PUM1: variants seen among roughly 807,000 people sequenced by gnomAD.
The protein encoded by PUM1 is pumilio homolog 1.
Under a neutral mutation model 131.8 loss-of-function variants are expected in PUM1, and 13 were observed. The ratio of observed to expected loss-of-function variants is 0.10; its 90% CI spans 0.06 to 0.16. The LOEUF is 0.16. Among genes scored for constraint, PUM1 ranks in the 10% least tolerant of loss-of-function variants. The pLI is 1.00. For synonymous variants in PUM1, 509 were observed against 556.5 expected (o/e 0.91, Z 1.20); for missense variants, 961 against 1,512.4 (o/e 0.64, Z 6.05).
chr1:30,992,094 C>A (rs1431810389), intron 7 of PUM1, among the ~76,000 whole-genome samples: 1 of 152,118 alleles, frequency 6.6e-6, no homozygotes, highest in South Asian at 2.1e-4. Flanking sequence ...ATTTAGCACC[C>A]GAGAGGGTTG....
At chr1:31,018,167 T>C (rs1348808842) in intron 3 of PUM1, among the ~76,000 whole-genome samples, 1 of 150,776 alleles carries the variant, frequency 6.6e-6, no homozygotes, top group Non-Finnish European at 1.5e-5. Context: ...CTGGCCAACA[T>C]GGTAAACTCT....
Position 30,967,431 on chromosome 1 carries a change from C to A in PUM1, c.1646-121G>T, listed in dbSNP as rs188380309. The A allele has an allele frequency of 7.8e-5, 67 of 863,022 alleles. 1 individual carries two copies. In the East Asian group the frequency reaches 8.4e-4, roughly 11 times the overall value. The allele number at this position is 863,022 out of a possible 1,614,324, so 53.5% of individuals were successfully genotyped here. ...AGGTTGAATTGGCCAGATTTATATA[C>A]TGGCTCCATCACTTAAATAGTTGAA... On this transcript the variant is annotated intron_variant, in intron 11 of 21. Transcript: ENST00000426105.
chr1:31,034,684 T>C (rs1643546175), intron 2 of PUM1, among the ~76,000 whole-genome samples: 1 of 152,232 alleles, frequency 6.6e-6, no homozygotes, highest in African/African-American at 2.4e-5. Flanking sequence ...GTTCTTTCAC[T>C]AAATCCCCTG....
intron 10 of PUM1, among the ~76,000 whole-genome samples, chr1:30,971,363 C>A (rs1020603625): frequency 2.0e-5 from 3 of 152,146 alleles, no homozygotes; most frequent in East Asian, 1.9e-4. Context: ...AAAAAAGGAA[C>A]TAAAACAATG....
At chr1:30,985,997 G>A (rs900568653) in intron 7 of PUM1, among the ~76,000 whole-genome samples, 1 of 151,670 alleles carries the variant, frequency 6.6e-6, no homozygotes, top group Non-Finnish European at 1.5e-5. Context: ...CTCTGTCCCC[G>A]GGGCTGGAGT....
At chr1:31,005,648 T>TA (rs1642373568) in intron 5 of PUM1, among the ~76,000 whole-genome samples, 1 of 152,244 alleles carries the variant, frequency 6.6e-6, no homozygotes, top group Non-Finnish European at 1.5e-5. Context: ...ACATTATTAC[T>TA]TTAGTTTTTA....
chr1:30,956,844 G>C (rs1021812163), intron 14 of PUM1, among the ~76,000 whole-genome samples: 1 of 152,106 alleles, frequency 6.6e-6, no homozygotes, highest in Non-Finnish European at 1.5e-5. Flanking sequence ...AACCAACCCT[G>C]AACACTGCCC....
intron 5 of PUM1, among the ~76,000 whole-genome samples, chr1:31,003,700 T>C (rs1341723503): frequency 1.3e-5 from 2 of 152,130 alleles, no homozygotes; most frequent in African/African-American, 4.8e-5. Flanking sequence ...GAGGTTGCGA[T>C]GAGCCAAGAT....
intron 12 of PUM1, chr1:30,966,512 A>G (rs1413286417): frequency 2.1e-6 from 1 of 478,990 alleles, no homozygotes; most frequent in Non-Finnish European, 3.7e-6. Context: ...TGCTTTTAAG[A>G]GTATACAGAT....
At chr1:31,033,018 A>T (rs184184874) in intron 2 of PUM1, among the ~76,000 whole-genome samples, 2 of 152,144 alleles carry the variant, frequency 1.3e-5, no homozygotes, top group East Asian at 3.9e-4. Context: ...AGGCAGGAGA[A>T]TCGCTTGAAT....
chr1:31,005,480 G>A (rs1266688125), intron 5 of PUM1, among the ~76,000 whole-genome samples: 2 of 152,086 alleles, frequency 1.3e-5, no homozygotes, highest in African/African-American at 4.8e-5. Context: ...GGAATTCCCT[G>A]TTAACATCCC....
chr1:30,963,093 C>A (rs143767900), intron 14 of PUM1, among the ~76,000 whole-genome samples: 3 of 152,314 alleles, frequency 2.0e-5, no homozygotes, highest in African/African-American at 7.2e-5. Context: ...TGAGATGACA[C>A]AGGCTAGGCA....
chr1:30,963,446 T>G (rs1210875693), intron 14 of PUM1, among the ~76,000 whole-genome samples: 2 of 152,216 alleles, frequency 1.3e-5, no homozygotes, highest in South Asian at 4.1e-4. Flanking sequence ...CTAAAGTTCT[T>G]ACTGTATAAA....
At chr1:30,944,291 C>A (rs1639579991) in intron 18 of PUM1, among the ~76,000 whole-genome samples, 1 of 152,152 alleles carries the variant, frequency 6.6e-6, no homozygotes, top group Non-Finnish European at 1.5e-5. Flanking sequence ...TCTCATTTTT[C>A]CCCCTTCCCT....
intron 2 of PUM1, among the ~76,000 whole-genome samples, chr1:31,055,101 CT>C (rs753339761): frequency 2.6e-5 from 4 of 152,198 alleles, no homozygotes; most frequent in Non-Finnish European, 4.4e-5. Context: ...TTCTCAACCT[CT>C]TTTTCACTCT....
chr1:30,995,390 G>A (rs1032805437), intron 5 of PUM1, among the ~76,000 whole-genome samples, 170 bp from the exon 6 acceptor site: 1 of 152,142 alleles, frequency 6.6e-6, no homozygotes, highest in African/African-American at 2.4e-5. Flanking sequence ...CACTGCAGAA[G>A]GTCTTGCCAA....
intron 2 of PUM1, among the ~76,000 whole-genome samples, chr1:31,053,971 G>A (rs1222139931): frequency 2.6e-5 from 4 of 151,930 alleles, no homozygotes; most frequent in Middle Eastern, 3.4e-3. Flanking sequence ...GTGCACACTT[G>A]TAGTCCCAGC....
At chr1:30,998,776 T>C (rs966530900) in intron 5 of PUM1, among the ~76,000 whole-genome samples, 2 of 152,196 alleles carry the variant, frequency 1.3e-5, no homozygotes, top group Non-Finnish European at 2.9e-5. Flanking sequence ...GAACAAAATA[T>C]GCACTGGCAA....
At chr1:30,966,829 C>A (rs577806801) in intron 12 of PUM1, among the ~76,000 whole-genome samples, 3 of 152,084 alleles carry the variant, frequency 2.0e-5, no homozygotes, top group Non-Finnish European at 4.4e-5. Flanking sequence ...AAAAAACAAC[C>A]CCTCCTCTAA....
Sources: allele counts gnomAD v4.1 joint callset (sites outside exome capture counted in the v4.1 genomes callset), GRCh38; gene constraint gnomAD v4.1.1; transcripts MANE v1.5; gene names NCBI Gene and HGNC (gene_info 2026-07-23, HGNC 2026-07-21).